Variants in LCOR observed in about 807,000 individuals in gnomAD.
LCOR encodes ligand dependent nuclear receptor corepressor.
In LCOR, 14 loss-of-function variants were observed where a neutral mutation model predicts 64.4. That is an observed-to-expected ratio of 0.22 (90% confidence interval 0.14 to 0.34). The LOEUF (loss-of-function observed/expected upper bound fraction) is 0.34. LCOR is among the 10% of genes least tolerant of loss of function. The pLI is 1.00. For synonymous variants in LCOR, 643 were observed against 642.5 expected (o/e 1.00, Z -0.01); for missense variants, 1,686 against 1,765.3 (o/e 0.96, Z 0.80).
intron 2 of LCOR, among the ~76,000 whole-genome samples, chr10:96,853,097 A>G (rs1378082048): frequency 6.6e-6 from 1 of 152,024 alleles, no homozygotes; most frequent in Non-Finnish European, 1.5e-5. Flanking sequence ...CCCAGGCTGG[A>G]GTGCAGTGGT....
At chr10:96,843,492 T>C (rs1408104788) in intron 2 of LCOR, among the ~76,000 whole-genome samples, 1 of 152,214 alleles carries the variant, frequency 6.6e-6, no homozygotes, top group African/African-American at 2.4e-5. Flanking sequence ...CACTGGATAT[T>C]ATCCTGTTCT....
chr10:96,915,177 A>G (rs550529532), intron 4 of LCOR, among the ~76,000 whole-genome samples: 4 of 152,300 alleles, frequency 2.6e-5, no homozygotes, highest in Admixed American at 2.0e-4. Context: ...CCTTCCCCCA[A>G]AAACGACAAT....
intron 7 of LCOR, chr10:96,959,421 T>C (rs1483027998): frequency 6.6e-6 from 1 of 152,208 alleles, no homozygotes; most frequent in Non-Finnish European, 1.5e-5. Context: ...ATAATGTATT[T>C]AAAATAATTT....
intron 2 of LCOR, among the ~76,000 whole-genome samples, chr10:96,862,585 A>G (rs936230212): frequency 6.6e-6 from 1 of 152,048 alleles, no homozygotes; most frequent in African/African-American, 2.4e-5. Flanking sequence ...TGATTGGTAA[A>G]CTATTGGCCA....
chr10:96,965,013 A>T (rs959490196), intron 7 of LCOR, among the ~76,000 whole-genome samples: 22 of 151,400 alleles, frequency 1.5e-4, no homozygotes, highest in African/African-American at 1.9e-4. Flanking sequence ...ATTTAAAAAA[A>T]ATTTTTTTTT....
chr10:96,968,476 TTTGTG>T, intron 7 of LCOR, among the ~76,000 whole-genome samples: 1 of 152,342 alleles, frequency 6.6e-6, no homozygotes, highest in Middle Eastern at 3.4e-3. Context: ...TGAAATCTCT[TTTGTG>T]AAGTTAGCCA....
At chr10:96,921,279 G>T (rs549856766) in intron 4 of LCOR, among the ~76,000 whole-genome samples, 33 of 151,814 alleles carry the variant, frequency 2.2e-4, no homozygotes, top group Non-Finnish European at 4.0e-4. Flanking sequence ...TACTTTTGTT[G>T]TCTGTTCTTT....
chr10:96,932,165 A>T (rs181507979), intron 4 of LCOR, among the ~76,000 whole-genome samples: 39 of 152,334 alleles, frequency 2.6e-4, no homozygotes, highest in African/African-American at 8.4e-4. Context: ...ATGTAATTTT[A>T]AAAATATGCC....
chr10:96,923,968 T>C (rs976631062), intron 4 of LCOR, among the ~76,000 whole-genome samples: 1 of 152,176 alleles, frequency 6.6e-6, no homozygotes, highest in East Asian at 1.9e-4. Context: ...GACAGAAAAT[T>C]GTGTACTCTG....
intron 7 of LCOR, among the ~76,000 whole-genome samples, chr10:96,974,073 A>G (rs1848019121): frequency 6.6e-6 from 1 of 152,244 alleles, no homozygotes. Flanking sequence ...TGATGTAGAT[A>G]AATATTGAGT....
chr10:96,841,765 T>C (rs1845545687), intron 2 of LCOR, among the ~76,000 whole-genome samples: 1 of 151,174 alleles, frequency 6.6e-6, no homozygotes, highest in Non-Finnish European at 1.5e-5. Context: ...AATAAATAAA[T>C]AAATAATAAA....
At chr10:96,956,453 C>A in intron 7 of LCOR, 2 of 984,734 alleles carry the variant, frequency 2.0e-6, no homozygotes, top group South Asian at 9.4e-5. Flanking sequence ...AACAATGAAC[C>A]TTTGACTTTG....
At chr10:96,884,120 A>G (rs959574635) in intron 2 of LCOR, among the ~76,000 whole-genome samples, 2 of 152,164 alleles carry the variant, frequency 1.3e-5, no homozygotes, top group African/African-American at 2.4e-5. Context: ...GGTCAAAACT[A>G]TTTTCATAAT....
At chr10:96,832,448 G>A (rs1429816070) in intron 1 of LCOR, 49 bp downstream of exon 1, 2 of 763,416 alleles carry the variant, frequency 2.6e-6, no homozygotes, top group South Asian at 5.8e-5. Flanking sequence ...CCCCGCCGCC[G>A]GTCGCCCCAG....
intron 7 of LCOR, chr10:96,957,286 A>C: frequency 1.0e-6 from 1 of 985,166 alleles, no homozygotes; most frequent in Non-Finnish European, 1.2e-6. Flanking sequence ...ATGGTTGTTT[A>C]GCACACAGTT....
chr10:96,872,279 G>T (rs1217730693), intron 2 of LCOR, among the ~76,000 whole-genome samples: 1 of 152,188 alleles, frequency 6.6e-6, no homozygotes, highest in South Asian at 2.1e-4. Context: ...ATATACCATC[G>T]GTATCAGCAG....
chr10:96,983,323 G>A lies in LCOR; in HGVS notation c.2863G>A (p.Asp955Asn), dbSNP rs754870114. The A allele has an allele frequency of 1.9e-6, 3 of 1,614,066 alleles. No individual in the cohort carries two copies. The highest frequency in any genetic ancestry group is 2.2e-5 in the South Asian group (2 of 91,080). Residue 955 changes from aspartate to asparagine, a missense_variant, in exon 8 of 8, where the codon GAT (aspartate) becomes AAT (asparagine). Asp to Asn is a conservative substitution (Grantham distance 23, BLOSUM62 1). Around this residue, in one of 3 missense-constraint regions of LCOR, gnomAD observed 1,293 missense variants for 1,410.4 expected, o/e 0.92. Transcript: ENST00000421806. The surrounding 1 kb of genome is among the most constrained non-coding windows in gnomAD (Gnocchi z 4.5). ...RLEIYVQSKM[D>N]EKNAHIPSES... ...GGAAATCTATGTTCAGTCTAAAATG[G>A]ATGAGAAGAATGCTCATATCCCCTC...
At chr10:96,972,215 A>G (rs762752853) in intron 7 of LCOR, among the ~76,000 whole-genome samples, 3 of 152,150 alleles carry the variant, frequency 2.0e-5, no homozygotes, top group Non-Finnish European at 4.4e-5. Flanking sequence ...TATTAAAAAT[A>G]TTTTAAAAAT....
intron 2 of LCOR, among the ~76,000 whole-genome samples, chr10:96,897,399 C>G (rs1268801154): frequency 6.6e-6 from 1 of 152,158 alleles, no homozygotes; most frequent in Non-Finnish European, 1.5e-5. Flanking sequence ...ATGTAATTGA[C>G]TCATTCCTGA....
Sources: gnomAD v4.1 joint callset for allele counts (sites outside exome capture counted in the v4.1 genomes callset) on GRCh38, gnomAD v4.1.1 for gene constraint, gnomAD v4.1.1 regional missense constraint, Gnocchi (gnomAD v3.1) non-coding constraint, MANE v1.5 for transcripts, NCBI Gene and HGNC (gene_info 2026-07-23, HGNC 2026-07-21) for gene names.